SHROOM3: variants seen among roughly 807,000 people sequenced by gnomAD.
SHROOM3 encodes shroom family member 3.
In SHROOM3, 47 loss-of-function variants were observed where a neutral mutation model predicts 138.6. The observed-to-expected ratio is 0.34, with a 90% CI of 0.27 to 0.43. SHROOM3 has a LOEUF of 0.43. SHROOM3 is among the 20% of genes least tolerant of loss of function. The pLI, the probability that SHROOM3 is intolerant of heterozygous loss-of-function variation, is 1.00. For missense variants in SHROOM3, 2,491 were observed against 2,596.5 expected (o/e 0.96, Z 0.88); for synonymous variants, 1,062 against 1,063.3 (o/e 1.00, Z 0.02).
In SHROOM3 at chr4:76,644,728, A is replaced by G. The variant is rs181171884; in HGVS notation, c.324-65428A>G. Reference sequence around the variant, plus strand: ...ATATTATTTCCTTTAAAAGTTATATAGGATTCACTTTCACTTTCAGCATCA... The same window carrying G: ...ATATTATTTCCTTTAAAAGTTATATGGGATTCACTTTCACTTTCAGCATCA... On this transcript the variant is annotated intron_variant, in intron 2 of 10. Coordinates refer to ENST00000296043, the MANE Select transcript of SHROOM3 (RefSeq NM_020859.4). Among the ~76,000 whole-genome samples the G allele has an allele frequency of 3.6e-4, 55 of 152,350 alleles. 1 individual carries two copies. In the East Asian group the frequency reaches 9.1e-3, roughly 25 times the overall value.
At chr4:76,696,459 T>TG (rs1048990060) in intron 2 of SHROOM3, among the ~76,000 whole-genome samples, 2 of 152,178 alleles carry the variant, frequency 1.3e-5, no homozygotes, top group African/African-American at 4.8e-5. Flanking sequence ...ATTTGTGAAA[T>TG]GGGGTCACAG....
chr4:76,687,852 C>T (rs1290989562), intron 2 of SHROOM3, among the ~76,000 whole-genome samples: 1 of 152,106 alleles, frequency 6.6e-6, no homozygotes, highest in Non-Finnish European at 1.5e-5. Flanking sequence ...GGGATCTGTT[C>T]CACCCTTATG....
At chr4:76,752,512 T>C (rs1721660694) in intron 6 of SHROOM3, among the ~76,000 whole-genome samples, 1 of 152,134 alleles carries the variant, frequency 6.6e-6, no homozygotes, top group African/African-American at 2.4e-5. Flanking sequence ...AAGGTGAGAC[T>C]AATTGCTCTC....
chr4:76,453,469 G>A (rs1014617419), intron 1 of SHROOM3, among the ~76,000 whole-genome samples: 1 of 151,290 alleles, frequency 6.6e-6, no homozygotes, highest in Admixed American at 6.6e-5. Flanking sequence ...TTGTAGTGAT[G>A]GGGTCTCACT....
In SHROOM3 at chr4:76,754,432, CCTG is replaced by C. The variant is rs752323756; in HGVS notation, c.3950_3952del (p.Pro1317_Gly1318delinsArg). On this transcript the variant is annotated inframe_deletion, in exon 7 of 11. Transcript: ENST00000296043. ...TGATTCCTCCGTTCCTAGTGAATGT[CCTG>C]GAACCCTGGACCATCAGAGGCAAGC... 11 of 1,614,152 alleles carry C rather than the reference CCTG, an allele frequency of 6.8e-6. No homozygotes were observed. The South Asian group carries it at 9.9e-5, about 14-fold the overall frequency.
At chr4:76,674,503 T>A (rs940974363) in intron 2 of SHROOM3, among the ~76,000 whole-genome samples, 2 of 151,726 alleles carry the variant, frequency 1.3e-5, no homozygotes, top group Non-Finnish European at 2.9e-5. Flanking sequence ...TATGTCAAAT[T>A]TATTTTCTTC....
At position 76,541,421 on chromosome 4, in the gene SHROOM3, C is replaced by T. The variant is rs984942390; in HGVS notation, c.169-14188C>T. ...GCCTCAGTCTTTGATCTGAATGCAG[C>T]AGAAAAAGGGGATTGAGGCATGGCT... On this transcript the variant is annotated intron_variant, in intron 1 of 10. Transcript: ENST00000296043. Among the ~76,000 whole-genome samples the T allele has an allele frequency of 3.3e-5, 5 of 152,150 alleles. No homozygotes were observed. In the South Asian group the frequency reaches 6.2e-4, roughly 19 times the overall value.
intron 2 of SHROOM3, among the ~76,000 whole-genome samples, chr4:76,562,119 T>C (rs1733612288): frequency 6.6e-6 from 1 of 152,202 alleles, no homozygotes; most frequent in Non-Finnish European, 1.5e-5. Context: ...CCATTGACCT[T>C]GAACTTCCTT....
At chr4:76,628,884 A>G (rs1199192781) in intron 2 of SHROOM3, 1 of 151,942 alleles carries the variant, frequency 6.6e-6, no homozygotes, top group Non-Finnish European at 1.5e-5. Flanking sequence ...TTTGTCACCC[A>G]GCCTGGAATG....
intron 1 of SHROOM3, among the ~76,000 whole-genome samples, chr4:76,455,167 C>T (rs1731003646): frequency 6.6e-6 from 1 of 152,008 alleles, no homozygotes; most frequent in Admixed American, 6.6e-5. Context: ...CTAGAACTTT[C>T]AGTTCTATGT....
At chr4:76,619,537 T>C (rs2110065357) in intron 2 of SHROOM3, among the ~76,000 whole-genome samples, 1 of 152,318 alleles carries the variant, frequency 6.6e-6, no homozygotes, top group Admixed American at 6.5e-5. Flanking sequence ...TTTATTCAAT[T>C]ATTTTCATAG....
intron 1 of SHROOM3, among the ~76,000 whole-genome samples, chr4:76,476,328 G>T (rs1183482052): frequency 6.6e-6 from 1 of 152,158 alleles, no homozygotes; most frequent in South Asian, 2.1e-4. Context: ...GACTCTCAAA[G>T]CCATTTGTGT....
chr4:76,718,555 T>C (rs1307585978), intron 3 of SHROOM3, among the ~76,000 whole-genome samples: 2 of 152,252 alleles, frequency 1.3e-5, no homozygotes, highest in Admixed American at 6.5e-5. Flanking sequence ...AATTAATGCC[T>C]TCTGTCTTTT....
intron 1 of SHROOM3, among the ~76,000 whole-genome samples, chr4:76,524,465 G>A (rs974765477): frequency 3.9e-4 from 60 of 152,320 alleles, no homozygotes; most frequent in African/African-American, 1.4e-3. Context: ...CCCAAAGGAG[G>A]CGAAAACAGG....
intron 6 of SHROOM3, among the ~76,000 whole-genome samples, chr4:76,752,596 A>T (rs1721663732): frequency 1.3e-5 from 2 of 152,296 alleles, no homozygotes; most frequent in Admixed American, 1.3e-4. Context: ...ACACTCTATT[A>T]TAAAAGGGAC....
Position 76,727,493 on chromosome 4 carries a change from G to GGAC in SHROOM3, c.456-3311_456-3310insGAC, listed in dbSNP as rs377382877. ...AAGATGCAGCAGCCTAATTTCTGGG[G>GGAC]ACTTTGGTGTCCAAAATTAGAGAAG... On this transcript the variant is annotated intron_variant, in intron 3 of 10. Coordinates refer to ENST00000296043, the MANE Select transcript of SHROOM3 (RefSeq NM_020859.4). 6.2e-4 allele frequency among the ~76,000 whole-genome samples: 94 copies of GGAC among 152,284 alleles called. 1 individual carries two copies. The highest frequency in any genetic ancestry group is 2.2e-3 in the African/African-American group (91 of 41,564).
At chr4:76,569,084 A>C (rs1733784472) in intron 2 of SHROOM3, among the ~76,000 whole-genome samples, 1 of 152,248 alleles carries the variant, frequency 6.6e-6, no homozygotes, top group South Asian at 2.1e-4. Flanking sequence ...ACCAGTTCTC[A>C]GCATATATGT....
At chr4:76,713,482 C>T (rs1199314716) in intron 3 of SHROOM3, among the ~76,000 whole-genome samples, 2 of 152,200 alleles carry the variant, frequency 1.3e-5, no homozygotes, top group African/African-American at 4.8e-5. Context: ...GTGCATGGAG[C>T]TGAGCTCTCC....
In SHROOM3 at chr4:76,436,016, G is replaced by T; in HGVS notation, c.-37G>T. Reference sequence around the variant, plus strand: ...CACTGCTTGCCTGAGTTTGCTTCAGGCATTTTAAATTTAACTTGAGGGATC... The same window carrying T: ...CACTGCTTGCCTGAGTTTGCTTCAGTCATTTTAAATTTAACTTGAGGGATC... On this transcript the variant is annotated 5_prime_UTR_variant, in exon 1 of 11. Coordinates refer to ENST00000296043, the MANE Select transcript of SHROOM3 (RefSeq NM_020859.4). 6.2e-7 allele frequency: 1 copy of T among 1,611,914 alleles called. No homozygotes were observed. The highest frequency in any genetic ancestry group is 8.5e-7 in the Non-Finnish European group (1 of 1,178,660).
Sources: gnomAD v4.1 joint callset for allele counts (sites outside exome capture counted in the v4.1 genomes callset) on GRCh38, gnomAD v4.1.1 for gene constraint, MANE v1.5 for transcripts, NCBI Gene and HGNC (gene_info 2026-07-23, HGNC 2026-07-21) for gene names.